Variants in ABCA13 observed in about 807,000 individuals in gnomAD.
ABCA13 encodes the protein ATP binding cassette subfamily A member 13.
ABCA13 carries 476 observed loss-of-function variants against 478.7 expected under a neutral mutation model. The ratio of observed to expected loss-of-function variants is 0.99; its 90% confidence interval spans 0.92 to 1.07. ABCA13 has a LOEUF of 1.07. Among genes scored for constraint, ABCA13 ranks in the 50% least tolerant of loss-of-function variants. The probability of loss-of-function intolerance (pLI) is 0.00; values close to 1 mark genes in which losing one functional copy is unlikely to be tolerated. For missense variants in ABCA13, 6,060 were observed against 5,910.6 expected (o/e 1.03, Z -0.83); for synonymous variants, 2,252 against 2,158.9 (o/e 1.04, Z -1.20).
At chr7:48,602,191 G>A (rs1449067541) in intron 58 of ABCA13, among the ~76,000 whole-genome samples, 1 of 152,082 alleles carries the variant, frequency 6.6e-6, no homozygotes, top group African/African-American at 2.4e-5. Context: ...CACTCTGATG[G>A]TAGTTTCGTT....
At chr7:48,426,968 G>T (rs1821510755) in intron 41 of ABCA13, among the ~76,000 whole-genome samples, 1 of 152,190 alleles carries the variant, frequency 6.6e-6, no homozygotes. Context: ...TGCCAAGAGT[G>T]GAACTCCAGC....
chr7:48,338,235 CTTCTT>C, intron 28 of ABCA13, 125 bp from the exon 29 acceptor site: 1 of 564,918 alleles, frequency 1.8e-6, no homozygotes, highest in Non-Finnish European at 2.9e-6. Context: ...TGTTTTAAAA[CTTCTT>C]TTAAGTGGAT....
intron 59 of ABCA13, among the ~76,000 whole-genome samples, chr7:48,630,207 T>C (rs908507722): frequency 1.1e-4 from 16 of 152,162 alleles, no homozygotes; most frequent in African/African-American, 3.6e-4. Flanking sequence ...GGATTTCTTA[T>C]ATAGGTAAAT....
At chr7:48,473,608 A>G (rs1166748275) in intron 45 of ABCA13, among the ~76,000 whole-genome samples, 1 of 152,176 alleles carries the variant, frequency 6.6e-6, no homozygotes, top group African/African-American at 2.4e-5. Flanking sequence ...GTCGTTTGTC[A>G]GGGATTCTCA....
chr7:48,357,658 C>CT (rs752266669), intron 31 of ABCA13, among the ~76,000 whole-genome samples: 1 of 152,032 alleles, frequency 6.6e-6, no homozygotes, highest in East Asian at 1.9e-4. Context: ...CACTTATTCT[C>CT]TAAAAACCTT....
chr7:48,459,947 G>A (rs901717486), intron 43 of ABCA13, among the ~76,000 whole-genome samples: 87 of 152,196 alleles, frequency 5.7e-4, no homozygotes, highest in East Asian at 7.8e-4. Context: ...CTAGTTCACT[G>A]CATTAGAAAA....
intron 58 of ABCA13, among the ~76,000 whole-genome samples, chr7:48,606,023 T>C (rs1338452512): frequency 6.6e-6 from 1 of 152,246 alleles, no homozygotes; most frequent in South Asian, 2.1e-4. Context: ...TACTTGTGCA[T>C]GCTTCACGAA....
At chr7:48,189,010 G>T (rs1232057928) in intron 1 of ABCA13, among the ~76,000 whole-genome samples, 3 of 152,092 alleles carry the variant, frequency 2.0e-5, no homozygotes, top group African/African-American at 7.2e-5. Flanking sequence ...GGTAGTGGGG[G>T]CATTGTTTTG....
chr7:48,443,334 A>G (rs1823876577), intron 42 of ABCA13, among the ~76,000 whole-genome samples: 1 of 152,178 alleles, frequency 6.6e-6, no homozygotes. Flanking sequence ...TCCTCAGGCC[A>G]GCCACTTGAC....
chr7:48,201,822 A>C (rs13227530), intron 3 of ABCA13, among the ~76,000 whole-genome samples: 1 of 152,240 alleles, frequency 6.6e-6, no homozygotes, highest in Admixed American at 6.5e-5. Flanking sequence ...ATGAAGCCGC[A>C]GACCCTCATG....
intron 1 of ABCA13, among the ~76,000 whole-genome samples, chr7:48,175,800 A>T (rs1794779282): frequency 6.6e-6 from 1 of 152,122 alleles, no homozygotes; most frequent in South Asian, 2.1e-4. Flanking sequence ...ATCTAGCTGT[A>T]ATTTTGTATC....
intron 58 of ABCA13, among the ~76,000 whole-genome samples, chr7:48,610,492 G>A (rs1414723629): frequency 6.6e-6 from 1 of 152,222 alleles, no homozygotes; most frequent in Non-Finnish European, 1.5e-5. Flanking sequence ...CCATTCTGTG[G>A]TTTGGAGGGT....
At chr7:48,184,811 CTA>C (rs1796153126) in intron 1 of ABCA13, among the ~76,000 whole-genome samples, 1 of 152,108 alleles carries the variant, frequency 6.6e-6, no homozygotes, top group South Asian at 2.1e-4. Flanking sequence ...CAGAGCAAGA[CTA>C]TCTCAAAAAA....
chr7:48,405,905 C>A (rs753780037), intron 39 of ABCA13, among the ~76,000 whole-genome samples: 2 of 152,048 alleles, frequency 1.3e-5, no homozygotes, highest in Non-Finnish European at 2.9e-5. Context: ...GACTGAAGTG[C>A]AAAATCAATA....
At chr7:48,442,233 C>T (rs1823711006) in intron 42 of ABCA13, among the ~76,000 whole-genome samples, 2 of 152,138 alleles carry the variant, frequency 1.3e-5, no homozygotes, top group South Asian at 4.1e-4. Context: ...TGTATTATGA[C>T]TTCCCCAAGT....
chr7:48,602,886 G>T (rs1042695471), intron 58 of ABCA13, among the ~76,000 whole-genome samples: 4 of 151,992 alleles, frequency 2.6e-5, no homozygotes, highest in Non-Finnish European at 1.5e-5. Context: ...TCACTTGATT[G>T]TGTCCTCTTT....
chr7:48,468,363 G>A (rs1012620749), intron 44 of ABCA13, among the ~76,000 whole-genome samples: 2 of 152,046 alleles, frequency 1.3e-5, no homozygotes, highest in East Asian at 1.9e-4. Flanking sequence ...TCCTCTGTCC[G>A]TTCTTCTTCT....
chr7:48,295,220 A>G (rs1412743070), intron 20 of ABCA13, among the ~76,000 whole-genome samples: 1 of 152,228 alleles, frequency 6.6e-6, no homozygotes, highest in Non-Finnish European at 1.5e-5. Flanking sequence ...GATAACAGCC[A>G]TCCTAACAGG....
chr7:48,288,160 T>C, intron 20 of ABCA13, 82 bp downstream of exon 20: 3 of 1,256,272 alleles, frequency 2.4e-6, no homozygotes. Flanking sequence ...TCAAACTTGC[T>C]GCTTCGTTCT....
Sources: allele counts gnomAD v4.1 joint callset (sites outside exome capture counted in the v4.1 genomes callset), GRCh38; gene constraint gnomAD v4.1.1; transcripts MANE v1.5; gene names NCBI Gene and HGNC (gene_info 2026-07-23, HGNC 2026-07-21).